Variants in VDAC1 observed in about 807,000 individuals in gnomAD.
The protein encoded by VDAC1 is voltage dependent anion channel 1.
In VDAC1, 10 loss-of-function variants were observed where a neutral mutation model predicts 34.7. The ratio of observed to expected loss-of-function variants is 0.29; its 90% CI spans 0.18 to 0.49. The LOEUF (loss-of-function observed/expected upper bound fraction) is 0.49, where lower values mean the gene tolerates loss of function less well. Ranked by LOEUF, VDAC1 falls within the 20% of genes least tolerant of loss-of-function variation. VDAC1 has a pLI of 0.99. For missense variants in VDAC1, 230 were observed against 347.9 expected, an observed-to-expected ratio of 0.66 and a Z score of 2.69; for synonymous variants, 130 against 136.0, an observed-to-expected ratio of 0.96 and a Z score of 0.30.
At chr5:134,060,305 C>G in the VDAC1 span, among the ~76,000 whole-genome samples, 1 of 152,054 alleles carries the variant, frequency 6.6e-6, no homozygotes, top group East Asian at 1.9e-4. Context: ...ATCGACCACC[C>G]GTCCAATGCA....
At chr5:134,014,695 G>A in the VDAC1 span, among the ~76,000 whole-genome samples, 7 of 152,012 alleles carry the variant, frequency 4.6e-5, no homozygotes, top group African/African-American at 1.4e-4. Flanking sequence ...GTGAAACCCC[G>A]TCTCTACTAA....
chr5:134,020,191 A>G, the VDAC1 span, among the ~76,000 whole-genome samples: 1 of 151,916 alleles, frequency 6.6e-6, no homozygotes, highest in African/African-American at 2.4e-5. Context: ...TCGCCAAGCC[A>G]CAGATAAAGC....
At chr5:134,094,620 C>T in the VDAC1 span, among the ~76,000 whole-genome samples, 2 of 148,638 alleles carry the variant, frequency 1.3e-5, no homozygotes, top group East Asian at 4.0e-4. Flanking sequence ...TGGCGTGAAC[C>T]CGGGAGGCGG....
the VDAC1 span, among the ~76,000 whole-genome samples, chr5:134,080,290 T>C: frequency 6.6e-6 from 1 of 152,220 alleles, no homozygotes; most frequent in Non-Finnish European, 1.5e-5. Context: ...CCTTGGACAC[T>C]GGGATTGTCT....
At chr5:134,039,631 C>G in the VDAC1 span, among the ~76,000 whole-genome samples, 2 of 152,054 alleles carry the variant, frequency 1.3e-5, no homozygotes, top group African/African-American at 4.8e-5. Flanking sequence ...GCCCGGCAGA[C>G]GTGCGTAATT....
chr5:133,978,486 G>C (rs1161735241), intron 6 of VDAC1, among the ~76,000 whole-genome samples: 2 of 152,188 alleles, frequency 1.3e-5, no homozygotes, highest in African/African-American at 4.8e-5. Flanking sequence ...CTTCTAGAAA[G>C]TACAGGGAGA....
the VDAC1 span, among the ~76,000 whole-genome samples, chr5:134,017,892 A>G: frequency 6.6e-6 from 1 of 152,232 alleles, no homozygotes; most frequent in Non-Finnish European, 1.5e-5. Context: ...CAGCCTGGGC[A>G]ACAGAGCGAG....
the VDAC1 span, among the ~76,000 whole-genome samples, chr5:134,029,203 C>A: frequency 1.6e-4 from 25 of 152,186 alleles, no homozygotes; most frequent in Non-Finnish European, 3.5e-4. Flanking sequence ...CTCCTTCTGC[C>A]CCAGCGAAGC....
chr5:134,110,302 T>C, the VDAC1 span, among the ~76,000 whole-genome samples: 2 of 152,202 alleles, frequency 1.3e-5, no homozygotes. Flanking sequence ...GTCCGAGGGA[T>C]GGAGCAGGAG....
At chr5:134,052,451 G>A in the VDAC1 span, among the ~76,000 whole-genome samples, 7 of 151,806 alleles carry the variant, frequency 4.6e-5, no homozygotes, top group Non-Finnish European at 5.9e-5. Context: ...ATGCTACCAC[G>A]CCTGGCTAAT....
the VDAC1 span, among the ~76,000 whole-genome samples, chr5:134,048,074 T>A: frequency 6.6e-6 from 1 of 152,042 alleles, no homozygotes; most frequent in South Asian, 2.1e-4. Context: ...TTCACACCAT[T>A]CTCCTGCCTC....
the VDAC1 span, among the ~76,000 whole-genome samples, chr5:134,059,622 G>A: frequency 2.6e-5 from 4 of 152,030 alleles, no homozygotes; most frequent in African/African-American, 9.7e-5. Flanking sequence ...ACACCCCCGA[G>A]CCATTTGGGC....
chr5:134,102,816 G>A, the VDAC1 span, among the ~76,000 whole-genome samples: 1 of 152,058 alleles, frequency 6.6e-6, no homozygotes, highest in Non-Finnish European at 1.5e-5. Context: ...TGGGCTATAG[G>A]GCAGAGGAGG....
At chr5:134,112,298 T>G in the VDAC1 span, among the ~76,000 whole-genome samples, 3 of 152,300 alleles carry the variant, frequency 2.0e-5, no homozygotes, top group African/African-American at 7.2e-5. Flanking sequence ...CTCTAATAAC[T>G]CTTCAGCTTC....
chr5:134,087,061 G>A, the VDAC1 span, among the ~76,000 whole-genome samples: 4 of 152,198 alleles, frequency 2.6e-5, no homozygotes, highest in East Asian at 7.7e-4. Flanking sequence ...TACATTTTGG[G>A]CCTGCTGCTG....
At chr5:134,040,474 C>T in the VDAC1 span, among the ~76,000 whole-genome samples, 3 of 151,896 alleles carry the variant, frequency 2.0e-5, no homozygotes, top group Non-Finnish European at 4.4e-5. Flanking sequence ...ACTCGGGAGG[C>T]TGAGGTGGGA....
chr5:134,028,765 T>C, the VDAC1 span, among the ~76,000 whole-genome samples: 1 of 152,244 alleles, frequency 6.6e-6, no homozygotes, highest in Non-Finnish European at 1.5e-5. Context: ...CAGGGATCAT[T>C]GATCCCTCAG....
At chr5:133,981,713 C>T (rs574499705) in intron 5 of VDAC1, among the ~76,000 whole-genome samples, 4 of 152,166 alleles carry the variant, frequency 2.6e-5, no homozygotes, top group Non-Finnish European at 5.9e-5. Flanking sequence ...CACCTGCAGA[C>T]CTATTATTAC....
At chr5:134,106,282 G>A in the VDAC1 span, among the ~76,000 whole-genome samples, 1 of 152,182 alleles carries the variant, frequency 6.6e-6, no homozygotes, top group African/African-American at 2.4e-5. Context: ...ATAATACTAG[G>A]CATGGGTGAG....
Sources: allele counts gnomAD v4.1 joint callset (sites outside exome capture counted in the v4.1 genomes callset), GRCh38; gene constraint gnomAD v4.1.1; transcripts MANE v1.5; gene names NCBI Gene and HGNC (gene_info 2026-07-23, HGNC 2026-07-21).